DGKB: variants seen among roughly 807,000 people sequenced by gnomAD.
DGKB encodes 90 kDa diacylglycerol kinase.
Under a neutral mutation model 114.3 loss-of-function variants are expected in DGKB, and 67 were observed. The observed-to-expected ratio is 0.59, with a 90% CI of 0.48 to 0.72. DGKB has a LOEUF of 0.72. Ranked by LOEUF, DGKB falls within the 30% of genes least tolerant of loss-of-function variation. The pLI is 0.00. For synonymous variants in DGKB, 398 were observed against 323.1 expected (o/e 1.23, Z -2.49); for missense variants, 907 against 975.2 (o/e 0.93, Z 0.93).
At chr7:14,627,586 C>CTGTGTGTG (rs111786359) in intron 14 of DGKB, among the ~76,000 whole-genome samples, 54 of 149,110 alleles carry the variant, frequency 3.6e-4, no homozygotes, top group African/African-American at 1.3e-3. Flanking sequence ...ATGTCTGTGT[C>CTGTGTGTG]TGTGTGTGTG....
At chr7:14,392,730 G>C (rs1479771193) in intron 21 of DGKB, among the ~76,000 whole-genome samples, 1 of 151,794 alleles carries the variant, frequency 6.6e-6, no homozygotes, top group Non-Finnish European at 1.5e-5. Context: ...AAATCCTATT[G>C]GAAATTCCAA....
At chr7:14,353,748 TTTTTCTAAATGTG>T (rs1813931388) in intron 21 of DGKB, among the ~76,000 whole-genome samples, 12 of 152,202 alleles carry the variant, frequency 7.9e-5, no homozygotes, top group Admixed American at 7.2e-4. Flanking sequence ...TACAATACTA[TTTTTCTAAATGTG>T]AAACTTGGTA....
intron 20 of DGKB, among the ~76,000 whole-genome samples, chr7:14,547,356 T>C (rs140963110): frequency 1.1e-4 from 17 of 152,310 alleles, no homozygotes; most frequent in East Asian, 5.8e-4. Flanking sequence ...GTCTTTCCAA[T>C]AGTAAGTAAA....
rs547360649 is a variant in DGKB, at chr7:14,957,786, C to A, written c.-188+16910G>T. Reference sequence around the variant, plus strand: ...TTTTCTTACTTGCCCCAAAGTATTTCATATAGTGTACCTGAAATTATTTAA... The same window carrying A: ...TTTTCTTACTTGCCCCAAAGTATTTAATATAGTGTACCTGAAATTATTTAA... On this transcript the variant is annotated intron_variant, in intron 1 of 4. Coordinates refer to the DGKB transcript ENST00000437998. 2.6e-5 allele frequency among the ~76,000 whole-genome samples: 4 copies of A among 151,920 alleles called. No individual in the cohort carries two copies. The South Asian group carries it at 8.3e-4, about 32-fold the overall frequency.
At position 14,728,745 on chromosome 7, in the gene DGKB, G is replaced by A. The variant is rs113358206; in HGVS notation, c.322+7296C>T. ...CTGAGATGGAGTCTCGCTCTGTCGTGCAGGCTGGAGTGCAGTGGCGCCATC... is the reference window on the plus strand; with the variant it reads ...CTGAGATGGAGTCTCGCTCTGTCGTACAGGCTGGAGTGCAGTGGCGCCATC... On this transcript the variant is annotated intron_variant, in intron 5 of 25. Coordinates refer to ENST00000402815, the MANE Select transcript of DGKB (RefSeq NM_001350709.2). Among the ~76,000 whole-genome samples the A allele has an allele frequency of 6.6e-3, 966 of 145,856 alleles. 10 individuals are homozygous for A. The highest frequency in any genetic ancestry group is 0.024 in the African/African-American group (940 of 39,294).
intron 20 of DGKB, among the ~76,000 whole-genome samples, chr7:14,498,588 T>G (rs1019444461): frequency 6.6e-6 from 1 of 151,790 alleles, no homozygotes; most frequent in Non-Finnish European, 1.5e-5. Flanking sequence ...AGAATTAAAG[T>G]CAATTGAAGG....
chr7:14,350,340 C>G (rs1813220628), intron 21 of DGKB, among the ~76,000 whole-genome samples: 1 of 152,086 alleles, frequency 6.6e-6, no homozygotes. Flanking sequence ...TCCTGCCTTA[C>G]ATGTCTTTTA....
intron 8 of DGKB, 32 bp downstream of exon 8, chr7:14,698,063 T>C (rs368942221): frequency 3.2e-6 from 4 of 1,253,906 alleles, no homozygotes; most frequent in Non-Finnish European, 4.5e-6. Flanking sequence ...CTTCCAGAAT[T>C]TAGCCAATAG....
intron 19 of DGKB, among the ~76,000 whole-genome samples, chr7:14,575,880 C>T (rs1317669954): frequency 6.6e-6 from 1 of 152,056 alleles, no homozygotes. Context: ...TAAAAGAAAA[C>T]AGGCACTCTC....
chr7:14,765,940 T>C (rs1836387450), intron 2 of DGKB, among the ~76,000 whole-genome samples: 1 of 151,906 alleles, frequency 6.6e-6, no homozygotes, highest in Admixed American at 6.6e-5. Context: ...ATTTCCACCA[T>C]GACAATTTCA....
At chr7:14,887,868 G>T (rs1343614336) in intron 1 of DGKB, among the ~76,000 whole-genome samples, 1 of 151,714 alleles carries the variant, frequency 6.6e-6, no homozygotes, top group Non-Finnish European at 1.5e-5. Flanking sequence ...TCAAGTAGCT[G>T]CTCAAAATAT....
At chr7:14,252,163 G>A (rs919678019) in intron 23 of DGKB, among the ~76,000 whole-genome samples, 2 of 152,056 alleles carry the variant, frequency 1.3e-5, no homozygotes, top group African/African-American at 2.4e-5. Flanking sequence ...CATAAGTCCT[G>A]TAGGCTTCTT....
At chr7:14,176,944 A>G in intron 24 of DGKB, 45 bp from the exon 25 acceptor site, 1 of 1,608,872 alleles carries the variant, frequency 6.2e-7, no homozygotes, top group Non-Finnish European at 8.5e-7. Context: ...GAAATACTTT[A>G]TATTACAGAC....
chr7:14,649,506 G>A (rs911518280), intron 13 of DGKB, among the ~76,000 whole-genome samples: 4 of 151,804 alleles, frequency 2.6e-5, no homozygotes, highest in African/African-American at 9.7e-5. Context: ...CACTAAACAT[G>A]GAAAGGAACA....
At chr7:14,423,941 C>G (rs1279887460) in intron 21 of DGKB, among the ~76,000 whole-genome samples, 1 of 152,068 alleles carries the variant, frequency 6.6e-6, no homozygotes, top group Non-Finnish European at 1.5e-5. Flanking sequence ...TTAAATCAAC[C>G]AGTAAAACTC....
chr7:14,515,311 G>A (rs1788612724), intron 20 of DGKB, among the ~76,000 whole-genome samples: 1 of 152,120 alleles, frequency 6.6e-6, no homozygotes. Context: ...CAGATTCTGT[G>A]ATTATTTGCC....
intron 23 of DGKB, among the ~76,000 whole-genome samples, chr7:14,337,961 T>C (rs967974807): frequency 6.6e-6 from 1 of 152,152 alleles, no homozygotes. Context: ...GGTCTTTGCT[T>C]TCTGTTTCCC....
intron 23 of DGKB, among the ~76,000 whole-genome samples, chr7:14,292,582 G>T (rs1056624596): frequency 6.6e-6 from 1 of 152,118 alleles, no homozygotes; most frequent in Non-Finnish European, 1.5e-5. Flanking sequence ...ATACCATTCC[G>T]TCTTTGGGAG....
At chr7:14,630,193 G>T (rs376471809) in intron 14 of DGKB, 43 bp downstream of exon 14, 7 of 1,401,290 alleles carry the variant, frequency 5.0e-6, no homozygotes, top group African/African-American at 4.4e-5. Flanking sequence ...GATGTATAAT[G>T]ACCTATAATT....
Sources: allele counts gnomAD v4.1 joint callset (sites outside exome capture counted in the v4.1 genomes callset), GRCh38; gene constraint gnomAD v4.1.1; transcripts MANE v1.5; gene names NCBI Gene and HGNC (gene_info 2026-07-23, HGNC 2026-07-21).